The following TIAM2 variants were observed in gnomAD, a reference collection of about 807,000 sequenced individuals.
TIAM2 encodes the protein TIAM Rac1 associated GEF 2, also known as rho guanine nucleotide exchange factor TIAM2.
In TIAM2, 80 loss-of-function variants were observed where a neutral mutation model predicts 152.9. That is an observed-to-expected ratio of 0.52 (90% confidence interval 0.44 to 0.63). The LOEUF (loss-of-function observed/expected upper bound fraction) is 0.63. Among genes scored for constraint, TIAM2 ranks in the 30% least tolerant of loss-of-function variants. TIAM2 has a pLI of 0.00. For missense variants in TIAM2, 1,965 were observed against 2,120.1 expected (o/e 0.93, Z 1.44); for synonymous variants, 804 against 838.0 (o/e 0.96, Z 0.70).
intron 1 of TIAM2, among the ~76,000 whole-genome samples, chr6:155,007,240 G>A (rs1778417565): frequency 1.3e-5 from 2 of 152,268 alleles, no homozygotes; most frequent in Middle Eastern, 3.4e-3. Flanking sequence ...GGCTTGCATA[G>A]GATTGTGAGG....
intron 15 of TIAM2, among the ~76,000 whole-genome samples, chr6:155,238,833 C>T (rs1167945392): frequency 6.6e-6 from 1 of 152,192 alleles, no homozygotes; most frequent in African/African-American, 2.4e-5. Flanking sequence ...GGAACTGTTT[C>T]TACTTCTTTG....
chr6:155,139,850 G>T (rs1212454840), intron 5 of TIAM2, among the ~76,000 whole-genome samples: 1 of 152,210 alleles, frequency 6.6e-6, no homozygotes, highest in Admixed American at 6.5e-5. Flanking sequence ...TGAGGCTGCA[G>T]AATCGCTTGA....
chr6:155,055,068 G>A (rs974836457), intron 1 of TIAM2, among the ~76,000 whole-genome samples: 1 of 152,164 alleles, frequency 6.6e-6, no homozygotes, highest in South Asian at 2.1e-4. Context: ...GCGATCTGGA[G>A]CCATTTCCTT....
At chr6:155,221,555 GAT>G (rs780568283) in intron 15 of TIAM2, among the ~76,000 whole-genome samples, 35 of 152,178 alleles carry the variant, frequency 2.3e-4, no homozygotes, top group Non-Finnish European at 4.7e-4. Flanking sequence ...CTTGAAGTGG[GAT>G]ATGTTTGACC....
intron 1 of TIAM2, among the ~76,000 whole-genome samples, chr6:155,073,181 T>TA (rs1777879472): frequency 6.7e-6 from 1 of 148,406 alleles, no homozygotes; most frequent in South Asian, 2.1e-4. Context: ...TTTTTTTTTT[T>TA]AGACTAAGTC....
intron 1 of TIAM2, among the ~76,000 whole-genome samples, chr6:155,006,092 G>C (rs1324732918): frequency 6.6e-6 from 1 of 152,226 alleles, no homozygotes; most frequent in East Asian, 1.9e-4. Flanking sequence ...AGAGGGCAGG[G>C]AGGCTCCCAC....
chr6:155,198,140 T>C (rs774041195), intron 14 of TIAM2, among the ~76,000 whole-genome samples: 45 of 152,228 alleles, frequency 3.0e-4, no homozygotes, highest in Non-Finnish European at 6.2e-4. Flanking sequence ...TCTTGGGCTC[T>C]TCCTCTTTTG....
At chr6:155,172,657 TATATATATATATATATATATATATATATA>T (rs1463420185) in intron 9 of TIAM2, among the ~76,000 whole-genome samples, 875 of 10,236 alleles carry the variant, frequency 0.085, 16 homozygotes, top group East Asian at 0.18. Context: ...TATATATATA[TATATATATATATATATATATATATATATA>T]TTTTTTTTTT....
intron 1 of TIAM2, among the ~76,000 whole-genome samples, chr6:155,002,405 C>T (rs771457709): frequency 6.8e-4 from 103 of 152,068 alleles, no homozygotes; most frequent in Non-Finnish European, 9.3e-4. Context: ...AGCAAGACCT[C>T]GTCTCAAAAT....
At chr6:155,122,304 G>A (rs1779174718) in intron 2 of TIAM2, among the ~76,000 whole-genome samples, 2 of 152,206 alleles carry the variant, frequency 1.3e-5, no homozygotes, top group Admixed American at 1.3e-4. Context: ...TGGGGACTGG[G>A]AGGGAATGCA....
chr6:155,182,445 A>G (rs1780925966), intron 13 of TIAM2, 127 bp downstream of exon 13: 1 of 815,994 alleles, frequency 1.2e-6, no homozygotes. Context: ...AAAGAAAGTA[A>G]ACGTAAGAGT....
chr6:155,183,164 C>A (rs1486193408), intron 13 of TIAM2, 73 bp from the exon 14 acceptor site: 11 of 1,546,266 alleles, frequency 7.1e-6, no homozygotes, highest in Non-Finnish European at 8.7e-6. Flanking sequence ...GAGTTTGCAG[C>A]CTTCTTTCAT....
rs952096570 is a variant in TIAM2, at chr6:155,027,412, A to G, written c.-209+31920A>G. On this transcript the variant is annotated intron_variant, in intron 1 of 26. Transcript: ENST00000682666. ...TACATATATACTATATATAATATAT[A>G]TACTGTGTTACATATATACTATATA... Among the ~76,000 whole-genome samples, 34 of 116,320 alleles carry G rather than the reference A, an allele frequency of 2.9e-4. 1 individual carries two copies. Among genetic ancestry groups the G allele is most frequent in the East Asian group, 9.7e-4 (4 of 4,140 alleles). 76.3% of individuals were successfully genotyped at this position (116,320 alleles called of 152,430 possible). A position where few individuals can be genotyped will look rare whatever the true frequency, so the allele number is the denominator to read the frequency against.
intron 2 of TIAM2, among the ~76,000 whole-genome samples, chr6:155,102,570 G>T (rs1433136900): frequency 6.6e-6 from 1 of 152,032 alleles, no homozygotes; most frequent in Non-Finnish European, 1.5e-5. Flanking sequence ...GTGTTCCAAT[G>T]CCCCATCTTA....
chr6:155,113,731 T>A (rs774770602), intron 2 of TIAM2, among the ~76,000 whole-genome samples: 18 of 151,758 alleles, frequency 1.2e-4, no homozygotes, highest in Non-Finnish European at 2.4e-4. Context: ...CTTAAAAAAA[T>A]TTATTTTCGT....
chr6:155,178,928 A>G, intron 10 of TIAM2, 111 bp from the exon 11 acceptor site: 1 of 861,304 alleles, frequency 1.2e-6, no homozygotes, highest in Non-Finnish European at 1.8e-6. Context: ...TCAGCAAATT[A>G]TATGCAGTAT....
intron 15 of TIAM2, among the ~76,000 whole-genome samples, chr6:155,219,506 G>A (rs528151313): frequency 4.4e-4 from 67 of 152,322 alleles, no homozygotes; most frequent in African/African-American, 1.5e-3. Context: ...CCTCTCTAAC[G>A]CCACACTTCC....
intron 18 of TIAM2, among the ~76,000 whole-genome samples, chr6:155,245,192 T>C (rs140417563): frequency 6.6e-6 from 1 of 152,314 alleles, no homozygotes; most frequent in African/African-American, 2.4e-5. Flanking sequence ...CTCTCTTCTA[T>C]GAAGCACCAG....
intron 1 of TIAM2, among the ~76,000 whole-genome samples, chr6:155,068,602 G>GCCA (rs143502212): frequency 7.0e-6 from 1 of 143,376 alleles, no homozygotes; most frequent in Admixed American, 7.0e-5. Context: ...ACAGGCACCC[G>GCCA]CCCCCCCATC....
Sources: allele counts gnomAD v4.1 joint callset (sites outside exome capture counted in the v4.1 genomes callset), GRCh38; gene constraint gnomAD v4.1.1; transcripts MANE v1.5; gene names NCBI Gene and HGNC (gene_info 2026-07-23, HGNC 2026-07-21).